The following C10orf143 variants were observed in gnomAD, a reference collection of about 807,000 sequenced individuals.
C10orf143 encodes chromosome 10 open reading frame 143.
At chr10:130,094,213 C>A (rs1861429023) in intron 1 of C10orf143, among the ~76,000 whole-genome samples, 2 of 151,968 alleles carry the variant, frequency 1.3e-5, no homozygotes, top group African/African-American at 4.8e-5. Context: ...ATAACAAGTT[C>A]TGAAATTAAG....
chr10:130,066,833 G>A (rs1860944087), intron 3 of C10orf143: 2 of 152,172 alleles, frequency 1.3e-5, no homozygotes, highest in African/African-American at 4.8e-5. Flanking sequence ...GCCCACACCA[G>A]CCACCAGAGG....
At chr10:130,086,182 G>T (rs1192521086) in intron 1 of C10orf143, among the ~76,000 whole-genome samples, 1 of 152,156 alleles carries the variant, frequency 6.6e-6, no homozygotes, top group Non-Finnish European at 1.5e-5. Context: ...ACCCACACTA[G>T]GTCAACAGCC....
intron 3 of C10orf143, among the ~76,000 whole-genome samples, chr10:130,039,727 G>A (rs956063910): frequency 2.6e-5 from 4 of 152,106 alleles, no homozygotes; most frequent in African/African-American, 9.7e-5. Flanking sequence ...TCATTCATAC[G>A]CTGCAGGTGG....
At chr10:130,082,028 T>G (rs999325027) in intron 1 of C10orf143, among the ~76,000 whole-genome samples, 1 of 151,636 alleles carries the variant, frequency 6.6e-6, no homozygotes, top group African/African-American at 2.4e-5. Context: ...AAACAAACCA[T>G]AGACACTCCA....
chr10:130,084,860 G>A (rs1333179184), intron 1 of C10orf143, among the ~76,000 whole-genome samples: 2 of 152,160 alleles, frequency 1.3e-5, no homozygotes, highest in East Asian at 1.9e-4. Flanking sequence ...CACTTCATAG[G>A]CCAAAAACTT....
intron 4 of C10orf143, among the ~76,000 whole-genome samples, chr10:130,035,650 G>T (rs536274240): frequency 1.6e-3 from 206 of 124,952 alleles, no homozygotes; most frequent in South Asian, 3.2e-3. Context: ...CCTCTAGGGT[G>T]GTAGCTGCCA....
rs1487135553 is a variant in C10orf143 at position 130,079,897 on chromosome 10, C to T, written c.74G>A (p.Arg25Gln). 5 of 398,466 alleles carry T rather than the reference C, an allele frequency of 1.3e-5. 1 individual carries two copies. In the East Asian group the frequency reaches 1.8e-4, roughly 14 times the overall value. 24.7% of individuals were successfully genotyped at this position (398,466 alleles called of 1,614,324 possible). A position where few individuals can be genotyped will look rare whatever the true frequency, so the allele number is the denominator to read the frequency against. Reference sequence around the variant, plus strand: ...ACTGGCTTCTAATCTCCTGCATACCCGTTTCTGAAACAAACAAAATTTTAC... The same window carrying T: ...ACTGGCTTCTAATCTCCTGCATACCTGTTTCTGAAACAAACAAAATTTTAC... ...EDLQVPGDVK[R>Q]VCRRLEASGH... The change falls in exon 2 of 4, where the codon CGG becomes CAG. Residue 25 changes from arginine (R) to glutamine (Q), a missense_variant. Coordinates refer to ENST00000637128, the MANE Select transcript of C10orf143 (RefSeq NM_001355042.2).
chr10:130,069,296 TG>T (rs1860991788), intron 3 of C10orf143, among the ~76,000 whole-genome samples: 1 of 152,232 alleles, frequency 6.6e-6, no homozygotes, highest in Non-Finnish European at 1.5e-5. Context: ...CAAAACCATG[TG>T]GCCACATATG....
At chr10:130,046,701 G>A (rs1334370135) in intron 3 of C10orf143, among the ~76,000 whole-genome samples, 2 of 152,256 alleles carry the variant, frequency 1.3e-5, no homozygotes, top group Non-Finnish European at 2.9e-5. Flanking sequence ...TGCGGGCTGG[G>A]CGTGTCCTTT....
At position 130,102,897 on chromosome 10, in the gene C10orf143, A is replaced by AT. The variant is rs1200760203; in HGVS notation, c.69+7806dup. Among the ~76,000 whole-genome samples the AT allele has an allele frequency of 6.7e-5, 10 of 149,768 alleles. No individual in the cohort carries two copies. In the East Asian group the frequency reaches 9.9e-4, roughly 15 times the overall value. On this transcript the variant is annotated intron_variant, in intron 1 of 3. Transcript: ENST00000637128. ...CTTTCTTCTGGTCAGTGTTAGCGTG[A>AT]TTTTTTTTGCGTCCTTTTATTTATC...
intron 3 of C10orf143, among the ~76,000 whole-genome samples, chr10:130,057,757 T>C (rs1480577036): frequency 6.6e-6 from 1 of 151,878 alleles, no homozygotes; most frequent in Non-Finnish European, 1.5e-5. Context: ...GAGCACGCGG[T>C]AAAAGTGGCT....
chr10:130,093,272 G>A (rs147193702), intron 1 of C10orf143, among the ~76,000 whole-genome samples: 5,822 of 152,180 alleles, frequency 0.038, 307 homozygotes, highest in East Asian at 0.11. Flanking sequence ...ACTCAAAACC[G>A]CACAACTACA....
At chr10:130,061,819 G>A (rs908049413), downstream of C10orf143, among the ~76,000 whole-genome samples, 11 of 152,196 alleles carry the variant, frequency 7.2e-5, no homozygotes, top group African/African-American at 2.4e-4. Context: ...AAATTAATTT[G>A]CCAGGGAGAA....
intron 3 of C10orf143, among the ~76,000 whole-genome samples, chr10:130,053,818 G>A (rs1860766566): frequency 6.6e-6 from 1 of 152,224 alleles, no homozygotes; most frequent in East Asian, 1.9e-4. Flanking sequence ...TTGCCAGGAG[G>A]CTGGCCCAGC....
chr10:130,100,731 A>G (rs778405812), intron 1 of C10orf143, among the ~76,000 whole-genome samples: 5 of 152,244 alleles, frequency 3.3e-5, no homozygotes, highest in African/African-American at 4.8e-5. Context: ...ACGGCTAGAC[A>G]TTGCAGAAAA....
intron 1 of C10orf143, among the ~76,000 whole-genome samples, chr10:130,096,781 C>T (rs1861469034): frequency 6.7e-6 from 1 of 148,390 alleles, no homozygotes; most frequent in Non-Finnish European, 1.5e-5. Context: ...AGCAAACCAC[C>T]ATGGCACGTG....
At chr10:130,039,607 C>T (rs1860584058) in intron 3 of C10orf143, among the ~76,000 whole-genome samples, 3 of 152,310 alleles carry the variant, frequency 2.0e-5, no homozygotes, top group South Asian at 2.1e-4. Flanking sequence ...CACAGACACA[C>T]CCAGAAATAA....
At position 130,053,192 on chromosome 10, in the gene C10orf143, C is replaced by T. The variant is rs1860756185; in HGVS notation, c.298-17222G>A. 2.0e-5 allele frequency among the ~76,000 whole-genome samples: 3 copies of T among 152,176 alleles called. No individual in the cohort carries two copies. The South Asian group carries it at 6.2e-4, about 32-fold the overall frequency. ...TCTCCTACCTCAGCCTCCTGAGTAG[C>T]TGGGACTACAGGCCCCTGCCATCAC... On this transcript the variant is annotated intron_variant and NMD_transcript_variant, in intron 3 of 5. Transcript: ENST00000643056.
chr10:130,047,748 A>T (rs1564952790), intron 3 of C10orf143, among the ~76,000 whole-genome samples: 5 of 152,086 alleles, frequency 3.3e-5, no homozygotes, highest in Non-Finnish European at 7.4e-5. Flanking sequence ...TTCTATTTTA[A>T]CATGGTGGCC....
Sources: gnomAD v4.1 joint callset for allele counts (sites outside exome capture counted in the v4.1 genomes callset) on GRCh38, gnomAD v4.1.1 for gene constraint, MANE v1.5 for transcripts, NCBI Gene and HGNC (gene_info 2026-07-23, HGNC 2026-07-21) for gene names.